Variants in ANO4 observed in about 807,000 individuals in gnomAD.
The protein encoded by ANO4 is anoctamin-4.
Under a neutral mutation model 141.9 loss-of-function variants are expected in ANO4, and 69 were observed. That is an observed-to-expected ratio of 0.49 (90% CI 0.40 to 0.59). ANO4 has a LOEUF of 0.59. Ranked by LOEUF, ANO4 falls within the 20% of genes least tolerant of loss-of-function variation. The pLI is 0.00. For synonymous variants in ANO4, 350 were observed against 394.3 expected (o/e 0.89, Z 1.33); for missense variants, 894 against 1,162.2 (o/e 0.77, Z 3.36).
At chr12:100,859,387 T>C (rs2038353985) in intron 1 of ANO4, 1 of 152,120 alleles carries the variant, frequency 6.6e-6, no homozygotes, top group South Asian at 2.1e-4. Context: ...ACCCTCCCCA[T>C]ACCAGCTGAC....
intron 5 of ANO4, among the ~76,000 whole-genome samples, chr12:100,965,934 T>C (rs933795984): frequency 6.6e-6 from 1 of 152,158 alleles, no homozygotes; most frequent in African/African-American, 2.4e-5. Flanking sequence ...TACTGTGGTA[T>C]ATCCATCACC....
At chr12:101,029,392 T>G (rs2046874807) in intron 9 of ANO4, among the ~76,000 whole-genome samples, 2 of 152,030 alleles carry the variant, frequency 1.3e-5, no homozygotes, top group South Asian at 4.1e-4. Flanking sequence ...GGAAATTGGA[T>G]AAAGACTAAA....
At chr12:100,878,030 T>C (rs556374602) in intron 1 of ANO4, among the ~76,000 whole-genome samples, 14 of 152,316 alleles carry the variant, frequency 9.2e-5, no homozygotes, top group African/African-American at 3.4e-4. Flanking sequence ...TCTCAACTTT[T>C]TTTTTCCTAC....
intron 3 of ANO4, among the ~76,000 whole-genome samples, chr12:100,937,002 C>T (rs963184132): frequency 7.2e-5 from 11 of 152,134 alleles, no homozygotes; most frequent in African/African-American, 2.4e-4. Flanking sequence ...TCATCAACAT[C>T]GACTTGAAAT....
intron 17 of ANO4, among the ~76,000 whole-genome samples, chr12:101,091,310 A>G (rs1357705879): frequency 6.6e-6 from 1 of 151,932 alleles, no homozygotes; most frequent in Admixed American, 6.6e-5. Flanking sequence ...ATCAACCAGG[A>G]CCTCTTTGTG....
chr12:100,969,672 T>G (rs971701550), intron 5 of ANO4, among the ~76,000 whole-genome samples: 1 of 151,866 alleles, frequency 6.6e-6, no homozygotes, highest in Non-Finnish European at 1.5e-5. Context: ...TCTATTTTTG[T>G]CAGTTGTGCA....
At chr12:100,822,366 C>T (rs759569441) in intron 1 of ANO4, among the ~76,000 whole-genome samples, 26 of 151,938 alleles carry the variant, frequency 1.7e-4, no homozygotes, top group African/African-American at 5.3e-4. Context: ...AGTCTAACTA[C>T]GATTCGAAGA....
At chr12:100,984,003 G>C (rs1473858960) in intron 7 of ANO4, among the ~76,000 whole-genome samples, 1 of 152,080 alleles carries the variant, frequency 6.6e-6, no homozygotes, top group Non-Finnish European at 1.5e-5. Flanking sequence ...ATGGAACCTG[G>C]ACAACATGCC....
exon 3 of ANO4, chr12:100,740,023 G>A (rs1451059949): frequency 1.4e-6 from 1 of 702,554 alleles, no homozygotes. Flanking sequence ...CCACACCTTT[G>A]TCCTGTCCAG....
intron 3 of ANO4, among the ~76,000 whole-genome samples, chr12:100,930,491 T>C (rs534580509): frequency 4.3e-4 from 66 of 152,192 alleles, no homozygotes; most frequent in Non-Finnish European, 8.8e-4. Flanking sequence ...GAATTTACTA[T>C]AGATGTATGG....
At chr12:101,034,062 T>C (rs779634155) in intron 9 of ANO4, among the ~76,000 whole-genome samples, 1 of 152,184 alleles carries the variant, frequency 6.6e-6, no homozygotes, top group Non-Finnish European at 1.5e-5. Context: ...ACCCCAGCCA[T>C]TGTGGAAGAC....
intron 2 of ANO4, among the ~76,000 whole-genome samples, chr12:100,737,939 T>C (rs181703246): frequency 6.6e-6 from 1 of 152,272 alleles, no homozygotes; most frequent in African/African-American, 2.4e-5. Flanking sequence ...GATGAACCTA[T>C]GTCTTGCCCA....
Position 100,860,994 on chromosome 12 carries a change from G to T in ANO4, c.-140-40652G>T, listed in dbSNP as rs60831321. Among the ~76,000 whole-genome samples, 365 of 152,316 alleles carry T rather than the reference G, an allele frequency of 2.4e-3. 2 individuals are homozygous for T. The highest frequency in any genetic ancestry group is 0.018 in the East Asian group (93 of 5,182). On this transcript the variant is annotated intron_variant, in intron 1 of 27. Transcript: ENST00000392977. ...AGAGTGAGCAACAGCAAGATTTATT[G>T]TGAAGAGCGAAAGAACAAAGCTTCC...
At position 101,103,183 on chromosome 12, in the gene ANO4, T is replaced by TATATATATATA. The variant is rs1197565753; in HGVS notation, c.2149+3463_2149+3464insATATATATATA. ...CTTTACATTTTCCTTTTTAGTCATT[T>TATATATATATA]TATATATATATATATATATATATAT... On this transcript the variant is annotated intron_variant, in intron 22 of 27. Coordinates refer to ENST00000392977, the MANE Select transcript of ANO4 (RefSeq NM_001286615.2). 4.3e-4 allele frequency among the ~76,000 whole-genome samples: 8 copies of TATATATATATA among 18,604 alleles called. 2 individuals carry two copies. The highest frequency in any genetic ancestry group is 1.5e-3 in the Admixed American group (2 of 1,306). The allele number at this position is 18,604 out of a possible 152,430, so 12.2% of individuals were successfully genotyped here. A position where few individuals can be genotyped will look rare whatever the true frequency, so the allele number is the denominator to read the frequency against.
At chr12:100,922,784 T>C (rs1488618991) in intron 3 of ANO4, among the ~76,000 whole-genome samples, 3 of 152,174 alleles carry the variant, frequency 2.0e-5, no homozygotes, top group Admixed American at 1.3e-4. Context: ...TCATTGATGA[T>C]GGACTGCATG....
At chr12:100,808,303 T>C (rs1490876081) in intron 1 of ANO4, among the ~76,000 whole-genome samples, 1 of 152,250 alleles carries the variant, frequency 6.6e-6, no homozygotes, top group Non-Finnish European at 1.5e-5. Context: ...ATTTATCTAA[T>C]GATCAATGAT....
At chr12:101,077,283 G>A (rs1404993482) in intron 14 of ANO4, among the ~76,000 whole-genome samples, 2 of 152,184 alleles carry the variant, frequency 1.3e-5, no homozygotes, top group Admixed American at 6.5e-5. Context: ...CGACTTGGAA[G>A]CTTGTCCTGT....
chr12:101,098,094 AG>A, intron 21 of ANO4, 149 bp downstream of exon 21: 1 of 670,744 alleles, frequency 1.5e-6, no homozygotes, highest in Non-Finnish European at 2.6e-6. Context: ...ATCCAAAGGC[AG>A]CCATGAAAAT....
intron 3 of ANO4, among the ~76,000 whole-genome samples, chr12:100,748,901 T>G (rs904155214): frequency 6.6e-6 from 1 of 152,190 alleles, no homozygotes; most frequent in Non-Finnish European, 1.5e-5. Context: ...TAATCGTATG[T>G]TATGGAATAA....
Sources: gnomAD v4.1 joint callset for allele counts (sites outside exome capture counted in the v4.1 genomes callset) on GRCh38, gnomAD v4.1.1 for gene constraint, MANE v1.5 for transcripts, NCBI Gene and HGNC (gene_info 2026-07-23, HGNC 2026-07-21) for gene names.